The following MYO7B variants were observed in gnomAD, a reference collection of about 807,000 sequenced individuals.
The protein encoded by MYO7B is myosin VIIB, also known as unconventional myosin-VIIb.
Under a neutral mutation model 259.7 loss-of-function variants are expected in MYO7B, and 212 were observed. That is an observed-to-expected ratio of 0.82 (90% CI 0.73 to 0.91). The LOEUF is 0.91. Ranked by LOEUF, MYO7B falls within the 40% of genes least tolerant of loss-of-function variation. The pLI, the probability that MYO7B is intolerant of heterozygous loss-of-function variation, is 0.00. For missense variants in MYO7B, 2,732 were observed against 2,813.5 expected (o/e 0.97, Z 0.66); for synonymous variants, 1,197 against 1,166.4 (o/e 1.03, Z -0.54).
intron 1 of MYO7B, among the ~76,000 whole-genome samples, chr2:127,540,672 C>G (rs1378210348): frequency 6.6e-6 from 1 of 152,182 alleles, no homozygotes; most frequent in Non-Finnish European, 1.5e-5. Context: ...TGAAGTGGGG[C>G]TTCTCAAGGG....
Position 127,632,415 on chromosome 2 carries a change from C to T in MYO7B, c.5405+14C>T, listed in dbSNP as rs764484695. 14 of 1,517,472 alleles carry T rather than the reference C, an allele frequency of 9.2e-6. No individual in the cohort carries two copies. The African/African-American group carries it at 1.8e-4, about 20-fold the overall frequency. The allele number at this position is 1,517,472 out of a possible 1,614,324, so 94.0% of individuals were successfully genotyped here. On this transcript the variant is annotated intron_variant, in intron 39 of 47. Transcript: ENST00000409816. ...GAAGGTCCTGAGGTGAGCCCAGTGC[C>T]TCCAGCCCCCAGCATTGGCCCTGGG... is the stretch of plus-strand genomic sequence containing the variant.
Position 127,623,318 on chromosome 2 carries a change from C to A in MYO7B, c.3762C>A (p.His1254Gln). 1 of 1,612,246 alleles carries A rather than the reference C, an allele frequency of 6.2e-7. No homozygotes were observed. Residue 1254 changes from histidine to glutamine, a missense_variant, in exon 29 of 48, where the codon CAC (histidine) becomes CAA (glutamine). Coordinates refer to ENST00000409816, the MANE Select transcript of MYO7B (RefSeq NM_001393586.1). ...GGGAAATGTGCATGCACATCGCTCA[C>A]AAGCAGGGCCTCAGCGACCACCTGG... is the stretch of plus-strand genomic sequence containing the variant. ...TSREMCMHIA[H>Q]KQGLSDHLGF... is the part of the protein sequence containing the mutation.
At chr2:127,632,917 T>C (rs538844097) in intron 39 of MYO7B, among the ~76,000 whole-genome samples, 7 of 152,228 alleles carry the variant, frequency 4.6e-5, no homozygotes, top group African/African-American at 1.7e-4. Flanking sequence ...GGGCGCCCCA[T>C]AGAGGCCCTG....
chr2:127,602,672 AAAC>A (rs1042575367), intron 19 of MYO7B, among the ~76,000 whole-genome samples: 10 of 151,952 alleles, frequency 6.6e-5, no homozygotes, highest in East Asian at 3.9e-4. Flanking sequence ...CAAAGAAAGG[AAAC>A]AACAACAACA....
chr2:127,543,007 C>T (rs752514109), intron 1 of MYO7B, among the ~76,000 whole-genome samples: 2 of 152,210 alleles, frequency 1.3e-5, no homozygotes, highest in Non-Finnish European at 2.9e-5. Flanking sequence ...AACATACAAT[C>T]GTGTTTTACA....
In MYO7B at chr2:127,609,987, C is replaced by T; in HGVS notation, c.3163C>T (p.Gln1055Ter). ...HDTLGREHGA[Q>*]VPQHSRSAQR... ...CACGCTGGGCAGGGAGCACGGTGCC[C>T]AGGTTCCACAGCACAGTAGATCTGC... The change falls in exon 24 of 48, where the codon CAG (glutamine) becomes TAG (stop). Residue 1055 changes from glutamine (Q) to a stop codon, truncating the protein, a stop_gained. Transcript: ENST00000409816. LOFTEE classifies it high-confidence loss of function. This position sits in a 1 kb window ranked among gnomAD's most constrained non-coding sequence, Gnocchi z 6.9. The T allele has an allele frequency of 6.2e-7, 1 of 1,608,952 alleles. No individual in the cohort carries two copies. Among genetic ancestry groups the T allele is most frequent in the Non-Finnish European group, 8.5e-7 (1 of 1,177,864 alleles).
intron 26 of MYO7B, among the ~76,000 whole-genome samples, chr2:127,618,213 G>A (rs1420219208): frequency 3.3e-5 from 5 of 152,182 alleles, no homozygotes; most frequent in Admixed American, 6.5e-5. Flanking sequence ...CATTACGGGA[G>A]TTACTACTGT....
rs755205626 is a variant in MYO7B at position 127,547,140 on chromosome 2, C to G, written c.-24+11309C>G. ...CCTATCCACCCGTCCATCAGCCCAC[C>G]CTTCCACCTACCGACTCATCCATCC... On this transcript the variant is annotated intron_variant, in intron 1 of 47. Coordinates refer to ENST00000409816, the MANE Select transcript of MYO7B (RefSeq NM_001393586.1). Among the ~76,000 whole-genome samples the G allele has an allele frequency of 1.3e-4, 20 of 152,222 alleles. No homozygotes were observed. The South Asian group carries it at 4.1e-3, about 32-fold the overall frequency.
At position 127,597,092 on chromosome 2, in the gene MYO7B, C is replaced by T. The variant is rs55898736; in HGVS notation, c.2339+536C>T. On this transcript the variant is annotated intron_variant, in intron 19 of 47. Transcript: ENST00000409816. The surrounding 1 kb of genome is among the most constrained non-coding windows in gnomAD (Gnocchi z 4.8). ...GCCCCGGGAATAGAGAATGAGGGGA[C>T]AGAGAGCAGGGCAGGGAGCAGGGAG... is the stretch of plus-strand genomic sequence containing the variant. 0.18 allele frequency among the ~76,000 whole-genome samples: 27,995 copies of T among 152,212 alleles called. 3,240 individuals carry two copies. The highest frequency in any genetic ancestry group is 0.33 in the African/African-American group (13,514 of 41,514).
At chr2:127,574,266 G>A (rs1368420977) in intron 7 of MYO7B, among the ~76,000 whole-genome samples, 2 of 152,228 alleles carry the variant, frequency 1.3e-5, no homozygotes, top group African/African-American at 2.4e-5. Context: ...AGGGCTTGGT[G>A]GCGCACGCCT....
In MYO7B at chr2:127,564,216, A is replaced by T. The variant is rs1678232046; in HGVS notation, c.82A>T (p.Ile28Phe). The change falls in exon 3 of 48, where the codon ATC becomes TTC. Residue 28 changes from isoleucine (I) to phenylalanine (F), a missense_variant. This residue lies in a region of MYO7B where 1,906 missense variants were observed against 2,026.4 expected (regional missense o/e 0.94). Coordinates refer to ENST00000409816, the MANE Select transcript of MYO7B (RefSeq NM_001393586.1). ...HKTGVAIGGI[I>F]KEAKPGKVLV... is the part of the protein sequence containing the mutation. ...GACCGGCGTGGCCATCGGGGGCATC[A>T]TCAAAGAGGCAAAGCCAGGCAAAGT... The T allele has an allele frequency of 6.3e-7, 1 of 1,581,726 alleles. No homozygotes were observed. The highest frequency in any genetic ancestry group is 8.6e-7 in the Non-Finnish European group (1 of 1,164,234).
At chr2:127,634,458 A>C in intron 41 of MYO7B, 138 bp from the exon 42 acceptor site, 1 of 887,992 alleles carries the variant, frequency 1.1e-6, no homozygotes, top group Non-Finnish European at 1.8e-6. Flanking sequence ...AGCCAGCTCC[A>C]CACGCCAATA....
At chr2:127,592,770 T>TCAGC (rs750622525) in intron 16 of MYO7B, 24 bp from the exon 17 acceptor site, 10 of 1,598,890 alleles carry the variant, frequency 6.3e-6, no homozygotes, top group Non-Finnish European at 7.7e-6. Flanking sequence ...TTGCGCTGGG[T>TCAGC]CAGCGCCCGG....
At chr2:127,637,141 G>A (rs751354931) in intron 47 of MYO7B, 175 bp from the exon 48 acceptor site, 15 of 921,466 alleles carry the variant, frequency 1.6e-5, no homozygotes, top group African/African-American at 4.9e-5. Flanking sequence ...AGGAGGGAGG[G>A]AGACCCAGCT....
rs772764614 is a variant in MYO7B at position 127,620,323 on chromosome 2, T to C, written c.3399-17T>C. On this transcript the variant is annotated splice_polypyrimidine_tract_variant and intron_variant, in intron 26 of 47. Transcript: ENST00000409816. ...TCCAGCCCCCAGCCTACTCTCCTAA[T>C]GGTCTGTGTCTTTCAGGGATGAGAT... 4.4e-6 allele frequency: 7 copies of C among 1,607,000 alleles called. No homozygotes were observed. The South Asian group carries it at 7.8e-5, about 18-fold the overall frequency.
rs771053930 is a variant in MYO7B, at chr2:127,590,219, A to G, written c.1982A>G (p.Lys661Arg). Residue 661 changes from lysine (K) to arginine (R), a missense_variant, in exon 16 of 48, where the codon AAG (lysine) becomes AGG (arginine). Physicochemically the swap from Lys to Arg is conservative, Grantham distance 26 (BLOSUM62 2). This residue lies in a region of MYO7B where 1,906 missense variants were observed against 2,026.4 expected (regional missense o/e 0.94). Transcript: ENST00000409816. This position sits in a 1 kb window ranked among gnomAD's most constrained non-coding sequence, Gnocchi z 4.6. The part of the protein sequence containing the change: ...FIRCIKPNEY[K>R]KPLLFDRELC... The stretch of plus-strand genomic sequence containing the variant: ...CGCTGCATCAAACCTAATGAGTACA[A>G]GAAGCCGCTGGTAATGACAGGAGGC... 3 of 1,612,784 alleles carry G rather than the reference A, an allele frequency of 1.9e-6. No individual in the cohort carries two copies. In the East Asian group the frequency reaches 6.7e-5, roughly 36 times the overall value.
At chr2:127,556,714 G>A (rs575875874) in intron 1 of MYO7B, among the ~76,000 whole-genome samples, 2 of 152,270 alleles carry the variant, frequency 1.3e-5, no homozygotes, top group East Asian at 3.9e-4. Flanking sequence ...TGAAGATAGG[G>A]TCCCAATCCC....
intron 1 of MYO7B, among the ~76,000 whole-genome samples, chr2:127,554,314 T>C (rs182552797): frequency 6.6e-6 from 1 of 152,324 alleles, no homozygotes; most frequent in Admixed American, 6.5e-5. Context: ...CCTCAAGTGA[T>C]CCACCTGCCT....
At chr2:127,587,226 T>C (rs1315820255) in intron 14 of MYO7B, among the ~76,000 whole-genome samples, 1 of 152,234 alleles carries the variant, frequency 6.6e-6, no homozygotes, top group Non-Finnish European at 1.5e-5. Context: ...GCAGCTCATC[T>C]TCAGTGCCTT....
Sources: gnomAD v4.1 joint callset for allele counts (sites outside exome capture counted in the v4.1 genomes callset) on GRCh38, gnomAD v4.1.1 for gene constraint, gnomAD v4.1.1 regional missense constraint, Gnocchi (gnomAD v3.1) non-coding constraint, MANE v1.5 for transcripts, NCBI Gene and HGNC (gene_info 2026-07-23, HGNC 2026-07-21) for gene names.